The following HIGD1C variants were observed in gnomAD, a reference collection of about 807,000 sequenced individuals.
HIGD1C encodes the protein HIG1 domain family member 1C.
HIGD1C carries 11 observed loss-of-function variants against 13.1 expected under a neutral mutation model. The ratio of observed to expected loss-of-function variants is 0.84; its 90% confidence interval spans 0.53 to 1.39. HIGD1C has a LOEUF of 1.39. Among genes scored for constraint, HIGD1C ranks in the 40% most tolerant of loss-of-function variants. The probability of loss-of-function intolerance (pLI) is 0.00; values close to 1 mark genes in which losing one functional copy is unlikely to be tolerated. For missense variants in HIGD1C, 110 were observed against 112.0 expected, an observed-to-expected ratio of 0.98 and a Z score of 0.08; for synonymous variants, 36 against 37.7, an observed-to-expected ratio of 0.95 and a Z score of 0.17.
rs1219584745 is a variant in HIGD1C, at chr12:50,960,874, CT to C, written c.95-92del. 4 of 1,051,372 alleles carry C rather than the reference CT, an allele frequency of 3.8e-6. No individual in the cohort carries two copies. In the African/African-American group the frequency reaches 4.9e-5, roughly 13 times the overall value. The allele number at this position is 1,051,372 out of a possible 1,614,324, so 65.1% of individuals were successfully genotyped here. A position where few individuals can be genotyped will look rare whatever the true frequency, so the allele number is the denominator to read the frequency against. ...ATTTTTTTTTTTTTAGAGATGGGGT[CT>C]TGCTATGTTGCCCAGGCTGTTTTCA... On this transcript the variant is annotated intron_variant, in intron 1 of 2. Transcript: ENST00000398455.
At chr12:50,932,826 G>A in the HIGD1C span, among the ~76,000 whole-genome samples, 1 of 152,182 alleles carries the variant, frequency 6.6e-6, no homozygotes, top group Non-Finnish European at 1.5e-5. Context: ...TCTCTTGAAC[G>A]TGAAAAGTTA....
At chr12:50,933,348 C>A in the HIGD1C span, among the ~76,000 whole-genome samples, 2 of 152,194 alleles carry the variant, frequency 1.3e-5, no homozygotes, top group African/African-American at 4.8e-5. Context: ...GAAAAAAAGG[C>A]AAAACATGTC....
intron 2 of HIGD1C, among the ~76,000 whole-genome samples, chr12:50,966,579 A>T (rs1436936486): frequency 1.3e-5 from 2 of 152,122 alleles, no homozygotes; most frequent in Admixed American, 1.3e-4. Context: ...GGGGAACAAA[A>T]CTGCCCCTGG....
the HIGD1C span, among the ~76,000 whole-genome samples, chr12:50,936,122 G>A: frequency 2.7e-5 from 4 of 146,710 alleles, no homozygotes; most frequent in Non-Finnish European, 5.9e-5. Context: ...TCACACCATT[G>A]CACTCCAGCC....
the HIGD1C span, among the ~76,000 whole-genome samples, chr12:50,944,801 C>T: frequency 3.6e-4 from 55 of 152,236 alleles, no homozygotes; most frequent in South Asian, 5.4e-3. Context: ...GCAGGAGAAT[C>T]GCTTGAACCT....
chr12:50,956,970 T>C (rs1173408487), intron 1 of HIGD1C, among the ~76,000 whole-genome samples: 1 of 151,196 alleles, frequency 6.6e-6, no homozygotes, highest in Non-Finnish European at 1.5e-5. Flanking sequence ...TCCTCATATG[T>C]CTACCATCAT....
upstream of HIGD1C, among the ~76,000 whole-genome samples, chr12:50,952,466 G>T (rs1381954861): frequency 6.6e-6 from 1 of 152,134 alleles, no homozygotes; most frequent in Non-Finnish European, 1.5e-5. Flanking sequence ...GTCGGAGGGA[G>T]GCGGTGAGCA....
upstream of HIGD1C, among the ~76,000 whole-genome samples, chr12:50,950,254 A>C (rs1938863904): frequency 6.6e-6 from 1 of 152,214 alleles, no homozygotes; most frequent in Non-Finnish European, 1.5e-5. Flanking sequence ...TGGGAGAAAC[A>C]GTCTCTGCTG....
intron 2 of HIGD1C, among the ~76,000 whole-genome samples, chr12:50,963,369 CAAAAAAAAAAA>C (rs35764288): frequency 8.3e-5 from 6 of 72,400 alleles, no homozygotes; most frequent in East Asian, 3.5e-4. Flanking sequence ...GACTCCATCT[CAAAAAAAAAAA>C]AAAAAAAAAA....
chr12:50,952,620 A>G (rs117234840), upstream of HIGD1C, among the ~76,000 whole-genome samples: 2,386 of 152,270 alleles, frequency 0.016, 31 homozygotes, highest in Non-Finnish European at 0.025. Flanking sequence ...AGGCGCAGGG[A>G]CTAGCCACAG....
chr12:50,970,597 C>A, downstream of HIGD1C: 1 of 741,158 alleles, frequency 1.3e-6, no homozygotes, highest in South Asian at 1.6e-5. Context: ...AATTTTACTA[C>A]ACAAGTGTCA....
At chr12:50,969,715 A>C (rs1322251569) in intron 2 of HIGD1C, among the ~76,000 whole-genome samples, 1 of 150,888 alleles carries the variant, frequency 6.6e-6, no homozygotes, top group Non-Finnish European at 1.5e-5. Flanking sequence ...AAAAAAAAAA[A>C]CAAAAACAAA....
chr12:50,932,727 C>T, the HIGD1C span, among the ~76,000 whole-genome samples: 1 of 152,166 alleles, frequency 6.6e-6, no homozygotes, highest in Non-Finnish European at 1.5e-5. Flanking sequence ...TGTTTGGCTA[C>T]TTTAAAAAAG....
chr12:50,936,884 C>G, the HIGD1C span, among the ~76,000 whole-genome samples: 4 of 152,312 alleles, frequency 2.6e-5, no homozygotes, highest in East Asian at 7.7e-4. Flanking sequence ...TTCTCTACTA[C>G]CTATGATTAT....
At chr12:50,941,932 A>C in the HIGD1C span, among the ~76,000 whole-genome samples, 8 of 152,116 alleles carry the variant, frequency 5.3e-5, no homozygotes, top group African/African-American at 1.7e-4. Context: ...TCTGTCACTC[A>C]GACTGGAGTG....
In HIGD1C at chr12:50,960,407, G is replaced by C. The variant is rs116021269; in HGVS notation, c.95-561G>C. Among the ~76,000 whole-genome samples the C allele has an allele frequency of 8.2e-3, 1,242 of 152,302 alleles. 17 individuals carry two copies. The highest frequency in any genetic ancestry group is 0.028 in the African/African-American group (1,180 of 41,558). On this transcript the variant is annotated intron_variant, in intron 1 of 2. Coordinates refer to ENST00000398455, the Ensembl canonical transcript of HIGD1C. ...AGATAATAACTTTGTAGCATGCACA[G>C]TTTGAAATCATTCCTCAGGAAATTA... is the stretch of plus-strand genomic sequence containing the variant.
the HIGD1C span, chr12:50,939,809 G>A: frequency 2.0e-5 from 3 of 152,094 alleles, no homozygotes; most frequent in Non-Finnish European, 2.9e-5. Context: ...TCTGGTCAAG[G>A]CCTGCTTCCT....
At chr12:50,953,812 C>A, upstream of HIGD1C, 1 of 525,238 alleles carries the variant, frequency 1.9e-6, no homozygotes, top group Non-Finnish European at 3.4e-6. Context: ...CCTTCCCCTG[C>A]AAAATGAAAA....
chr12:50,958,890 G>GC (rs1356118298), intron 1 of HIGD1C, among the ~76,000 whole-genome samples: 1 of 151,448 alleles, frequency 6.6e-6, no homozygotes, highest in Admixed American at 6.6e-5. Context: ...GGTGGTGCAT[G>GC]CCTGTAATCC....
Sources: allele counts gnomAD v4.1 joint callset (sites outside exome capture counted in the v4.1 genomes callset), GRCh38; gene constraint gnomAD v4.1.1; transcripts MANE v1.5; gene names NCBI Gene and HGNC (gene_info 2026-07-23, HGNC 2026-07-21).